Variants in PCDHA5 observed in about 807,000 individuals in gnomAD.
PCDHA5 encodes the protein protocadherin alpha 5.
Under a neutral mutation model 61.6 loss-of-function variants are expected in PCDHA5, and 43 were observed. That is an observed-to-expected ratio of 0.70 (90% confidence interval 0.55 to 0.90). The LOEUF is 0.90. Ranked by LOEUF, PCDHA5 falls within the 40% of genes least tolerant of loss-of-function variation. The pLI, the probability that PCDHA5 is intolerant of heterozygous loss-of-function variation, is 0.00. For synonymous variants in PCDHA5, 627 were observed against 543.9 expected (o/e 1.15, Z -2.13); for missense variants, 1,298 against 1,222.7 (o/e 1.06, Z -0.92).
rs2150369149 is a variant in PCDHA5 at position 140,844,155 on chromosome 5, T to C, written c.2352+20028T>C. On this transcript the variant is annotated intron_variant, in intron 1 of 3. Transcript: ENST00000529859. ...AATATGTTGTCTTTATATTTACTTTTATTCACTTTAAGATCTCGGTTTATT... is the reference window on the plus strand; with the variant it reads ...AATATGTTGTCTTTATATTTACTTTCATTCACTTTAAGATCTCGGTTTATT... 1.3e-4 allele frequency among the ~76,000 whole-genome samples: 20 copies of C among 149,790 alleles called. 2 individuals carry two copies. The highest frequency in any genetic ancestry group is 6.7e-4 in the Admixed American group (10 of 14,966).
chr5:140,921,630 A>G lies in PCDHA5; in HGVS notation c.2353-57319A>G, dbSNP rs554698507. ...AGAAAAATATCATCAGATCATCATTATGGTAGCTATTTTAAGGGAACTTAA... is the reference window on the plus strand; with the variant it reads ...AGAAAAATATCATCAGATCATCATTGTGGTAGCTATTTTAAGGGAACTTAA... On this transcript the variant is annotated intron_variant, in intron 1 of 3. Coordinates refer to ENST00000529859, the MANE Select transcript of PCDHA5 (RefSeq NM_018908.3). Among the ~76,000 whole-genome samples, 4 of 152,344 alleles carry G rather than the reference A, an allele frequency of 2.6e-5. No homozygotes were observed. The South Asian group carries it at 8.3e-4, about 32-fold the overall frequency.
At chr5:140,993,462 T>TCACA (rs3836747) in intron 3 of PCDHA5, among the ~76,000 whole-genome samples, 8,584 of 140,952 alleles carry the variant, frequency 0.061, 300 homozygotes, top group Admixed American at 0.12. Flanking sequence ...TCTTTCTTTC[T>TCACA]CACACACACA....
intron 1 of PCDHA5, among the ~76,000 whole-genome samples, chr5:140,917,545 C>G (rs1049973588): frequency 6.6e-6 from 1 of 152,212 alleles, no homozygotes; most frequent in Non-Finnish European, 1.5e-5. Flanking sequence ...TTAGGTTTTA[C>G]ATTTAACTCT....
Position 140,843,291 on chromosome 5 carries a change from C to T in PCDHA5, c.2352+19164C>T, listed in dbSNP as rs2150356588. The T allele has an allele frequency of 1.3e-6, 2 of 1,595,988 alleles. 1 individual carries two copies. The highest frequency in any genetic ancestry group is 1.7e-6 in the Non-Finnish European group (2 of 1,165,560). On this transcript the variant is annotated intron_variant, in intron 1 of 3. Coordinates refer to ENST00000529859, the MANE Select transcript of PCDHA5 (RefSeq NM_018908.3). Reference sequence around the variant, plus strand: ...GTCCTGGTGAAGGATCATGGTGAACCTGCGCTGACCGCCACGGCCACGGTT... The same window carrying T: ...GTCCTGGTGAAGGATCATGGTGAACTTGCGCTGACCGCCACGGCCACGGTT...
chr5:140,929,497 C>A, intron 1 of PCDHA5: 1 of 977,560 alleles, frequency 1.0e-6, no homozygotes, highest in Non-Finnish European at 1.4e-6. Context: ...TAGAAGATTG[C>A]CCTAGGCCTC....
Position 140,822,949 on chromosome 5 carries a change from G to T in PCDHA5, c.1174G>T (p.Val392Phe), listed in dbSNP as rs2150120687. The T allele has an allele frequency of 5.0e-6, 8 of 1,614,230 alleles. No individual in the cohort carries two copies. Among genetic ancestry groups the T allele is most frequent in the Non-Finnish European group, 6.8e-6 (8 of 1,180,050 alleles). ...GGTGACCTGCTCCCTAATGCCCCAC[G>T]TTCCCTTCAAGCTGGTGTCCACCTT... ...GQVTCSLMPH[V>F]PFKLVSTFKN... is the part of the protein sequence containing the mutation. Residue 392 changes from valine to phenylalanine, a missense_variant, in exon 1 of 4, where the codon GTT (valine) becomes TTT (phenylalanine). By Grantham distance (50) the Val-to-Phe change is conservative. Coordinates refer to ENST00000529859, the MANE Select transcript of PCDHA5 (RefSeq NM_018908.3).
In PCDHA5 at chr5:140,875,617, G is replaced by T; in HGVS notation, c.2352+51490G>T. On this transcript the variant is annotated intron_variant, in intron 1 of 3. Coordinates refer to ENST00000529859, the MANE Select transcript of PCDHA5 (RefSeq NM_018908.3). ...ACACGGCACCTTCGTGGGCCGCATC[G>T]CTCAGGACCTGGGGCTGGAGCTGGC... 1 of 1,613,780 alleles carries T rather than the reference G, an allele frequency of 6.2e-7. No homozygotes were observed. The highest frequency in any genetic ancestry group is 2.2e-5 in the East Asian group (1 of 44,888).
intron 1 of PCDHA5, chr5:140,830,076 C>T (rs2150180752): frequency 3.8e-5 from 61 of 1,613,536 alleles, no homozygotes; most frequent in Non-Finnish European, 4.8e-5. Context: ...CTGACAGCGA[C>T]GGCCACGGTT....
At chr5:140,876,884 G>A (rs782742455) in intron 1 of PCDHA5, 11 of 1,614,028 alleles carry the variant, frequency 6.8e-6, no homozygotes, top group East Asian at 2.2e-5. Flanking sequence ...AACCCGCCGG[G>A]CTGCCACATC....
intron 1 of PCDHA5, among the ~76,000 whole-genome samples, chr5:140,937,632 G>T (rs1228752133): frequency 1.3e-5 from 2 of 150,132 alleles, no homozygotes; most frequent in Admixed American, 1.3e-4. Flanking sequence ...AAAAAGAAAG[G>T]CAGGGCATGG....
chr5:140,954,842 T>C (rs1483926115), intron 1 of PCDHA5, among the ~76,000 whole-genome samples: 1 of 152,252 alleles, frequency 6.6e-6, no homozygotes, highest in Non-Finnish European at 1.5e-5. Flanking sequence ...ATGAAATCTT[T>C]GCCTGTGCCT....
At chr5:140,891,819 G>C (rs1282245838) in intron 1 of PCDHA5, among the ~76,000 whole-genome samples, 3 of 152,098 alleles carry the variant, frequency 2.0e-5, no homozygotes, top group African/African-American at 7.2e-5. Context: ...ATAAATTAAC[G>C]GCACTGTAAA....
At position 140,823,211 on chromosome 5, in the gene PCDHA5, G is replaced by T. The variant is rs2150123519; in HGVS notation, c.1436G>T (p.Arg479Leu). 1.2e-6 allele frequency: 2 copies of T among 1,613,796 alleles called. No individual in the cohort carries two copies. The highest frequency in any genetic ancestry group is 1.7e-6 in the Non-Finnish European group (2 of 1,179,816). Residue 479 changes from arginine (R) to leucine (L), a missense_variant, in exon 1 of 4, where the codon CGG becomes CTG. Arg to Leu is a moderately radical substitution (Grantham distance 102). Transcript: ENST00000529859. ...TGCCACATCTTCACGGTGTCTGCAC[G>T]GGACGCGGACGCGCAGGAGAACGCC... ...PGCHIFTVSA[R>L]DADAQENALV...
chr5:140,868,933 T>C, intron 1 of PCDHA5: 1 of 1,104,696 alleles, frequency 9.1e-7, no homozygotes, highest in Non-Finnish European at 1.3e-6. Flanking sequence ...ATTTAAAGGT[T>C]GGTCTGAACA....
At chr5:140,854,823 T>C (rs1007254376) in intron 1 of PCDHA5, among the ~76,000 whole-genome samples, 1 of 149,812 alleles carries the variant, frequency 6.7e-6, no homozygotes, top group Non-Finnish European at 1.5e-5. Flanking sequence ...CAAGTGGTGA[T>C]GAAAAACTTC....
intron 1 of PCDHA5, chr5:140,928,068 C>G: frequency 1.2e-6 from 2 of 1,614,214 alleles, no homozygotes; most frequent in South Asian, 2.2e-5. Context: ...CTTCCTTTGA[C>G]AACTACTACA....
rs115890668 is a variant in PCDHA5 at position 140,925,958 on chromosome 5, A to G, written c.2353-52991A>G. Among the ~76,000 whole-genome samples, 1,223 of 152,250 alleles carry G rather than the reference A, an allele frequency of 8.0e-3. 5 individuals carry two copies. The highest frequency in any genetic ancestry group is 0.019 in the African/African-American group (788 of 41,548). On this transcript the variant is annotated intron_variant, in intron 1 of 3. Coordinates refer to ENST00000529859, the MANE Select transcript of PCDHA5 (RefSeq NM_018908.3). ...GCCTCTTGGAGAAGGAGAAACTGCT[A>G]TCACGCAAAAAAAAAGCCTTGAGCT... is the stretch of plus-strand genomic sequence containing the variant.
intron 1 of PCDHA5, chr5:140,968,939 A>G: frequency 6.2e-7 from 1 of 1,614,164 alleles, no homozygotes; most frequent in South Asian, 1.1e-5. Flanking sequence ...GACAATCATC[A>G]TTTTGAGCAT....
intron 1 of PCDHA5, among the ~76,000 whole-genome samples, chr5:140,886,827 G>GAAAAA (rs782016620): frequency 6.6e-5 from 4 of 60,918 alleles, no homozygotes; most frequent in African/African-American, 6.0e-5. Flanking sequence ...ACTTCGTCTT[G>GAAAAA]AAAAAAAAAA....
Sources: gnomAD v4.1 joint callset for allele counts (sites outside exome capture counted in the v4.1 genomes callset) on GRCh38, gnomAD v4.1.1 for gene constraint, MANE v1.5 for transcripts, NCBI Gene and HGNC (gene_info 2026-07-23, HGNC 2026-07-21) for gene names.